Variants in PCDHA6 observed in about 807,000 individuals in gnomAD.
The protein encoded by PCDHA6 is protocadherin alpha 6, also known as protocadherin alpha-6.
In PCDHA6, 55 loss-of-function variants were observed where a neutral mutation model predicts 60.3. The ratio of observed to expected loss-of-function variants is 0.91; its 90% CI spans 0.73 to 1.14. The LOEUF is 1.14. Ranked by LOEUF, PCDHA6 falls within the 50% of genes most tolerant of loss-of-function variation. The pLI, the probability that PCDHA6 is intolerant of heterozygous loss-of-function variation, is 0.00. For synonymous variants in PCDHA6, 652 were observed against 557.9 expected, an observed-to-expected ratio of 1.17 and a Z score of -2.38; for missense variants, 1,327 against 1,256.5, an observed-to-expected ratio of 1.06 and a Z score of -0.85.
At position 141,009,749 on chromosome 5, in the gene PCDHA6, A is replaced by G. The variant is rs2098414176; in HGVS notation, c.2665A>G (p.Ile889Val). Residue 889 changes from isoleucine to valine, a missense_variant, in exon 4 of 4, where the codon ATT (isoleucine) becomes GTT (valine). Ile to Val is a conservative substitution (Grantham distance 29). Transcript: ENST00000529310. ...SGPGELPDKFIIPGSPAIISI... is the reference protein window; with the variant it reads ...SGPGELPDKFVIPGSPAIISI... The stretch of plus-strand genomic sequence containing the variant: ...TCCCGGTGAGTTGCCCGACAAATTC[A>G]TTATCCCAGGATCTCCTGCAATCAT... 3 of 1,614,200 alleles carry G rather than the reference A, an allele frequency of 1.9e-6. No homozygotes were observed. The highest frequency in any genetic ancestry group is 1.6e-4 in the Middle Eastern group (1 of 6,062).
chr5:141,000,027 A>G (rs782393146), intron 3 of PCDHA6, among the ~76,000 whole-genome samples: 4 of 152,048 alleles, frequency 2.6e-5, no homozygotes, highest in Non-Finnish European at 5.9e-5. Flanking sequence ...TAAGCCTGAC[A>G]TCCAATCACA....
intron 1 of PCDHA6, among the ~76,000 whole-genome samples, chr5:140,945,540 CA>C (rs1330025999): frequency 1.3e-5 from 2 of 151,706 alleles, no homozygotes; most frequent in African/African-American, 2.4e-5. Flanking sequence ...AACATACAAA[CA>C]AAAAAATGAA....
intron 1 of PCDHA6, among the ~76,000 whole-genome samples, chr5:140,921,856 G>A (rs2080440097): frequency 6.6e-6 from 1 of 151,824 alleles, no homozygotes; most frequent in Non-Finnish European, 1.5e-5. Flanking sequence ...AGATGTGTGT[G>A]TATATATACA....
In PCDHA6 at chr5:140,850,498, C is replaced by G; in HGVS notation, c.2394+20013C>G. The G allele has an allele frequency of 1.3e-6, 2 of 1,598,138 alleles. 1 individual carries two copies. The highest frequency in any genetic ancestry group is 4.5e-5 in the East Asian group (2 of 44,830). ...ACGGCCACGGCCACTGTGCTGGTGT[C>G]GCTGGTGGAGAGCGGCCAGGCGCCA... On this transcript the variant is annotated intron_variant, in intron 1 of 3. Transcript: ENST00000529310.
intron 1 of PCDHA6, among the ~76,000 whole-genome samples, chr5:140,949,466 G>A (rs2094383684): frequency 6.6e-6 from 1 of 151,662 alleles, no homozygotes; most frequent in Non-Finnish European, 1.5e-5. Flanking sequence ...TTGAAGCCCT[G>A]TTATTAGGCA....
chr5:140,924,896 AAAAAAAAAAT>A (rs1244420537), intron 1 of PCDHA6, among the ~76,000 whole-genome samples: 4 of 69,138 alleles, frequency 5.8e-5, no homozygotes, highest in African/African-American at 1.0e-4. Flanking sequence ...ACCTGTCTCA[AAAAAAAAAAT>A]AAAATAAAAT....
intron 1 of PCDHA6, among the ~76,000 whole-genome samples, chr5:140,954,516 G>C (rs782233597): frequency 3.3e-5 from 5 of 152,172 alleles, no homozygotes; most frequent in Admixed American, 6.5e-5. Flanking sequence ...TTTACCTAAT[G>C]ATCAGTGATG....
At chr5:140,982,713 A>G (rs2096998735) in intron 3 of PCDHA6, 150 bp downstream of exon 3, 2 of 1,373,774 alleles carry the variant, frequency 1.5e-6, no homozygotes, top group African/African-American at 1.5e-5. Flanking sequence ...CCTTACATAT[A>G]TGATTATTTT....
chr5:140,942,120 A>G (rs2093234009), intron 1 of PCDHA6, among the ~76,000 whole-genome samples: 1 of 152,234 alleles, frequency 6.6e-6, no homozygotes, highest in South Asian at 2.1e-4. Flanking sequence ...ACTTTATTAA[A>G]GGTGATATTT....
intron 1 of PCDHA6, among the ~76,000 whole-genome samples, chr5:140,937,679 G>A (rs1357548421): frequency 5.9e-5 from 9 of 151,884 alleles, no homozygotes; most frequent in African/African-American, 1.9e-4. Context: ...TTGGGAGGCT[G>A]AGGCAGGCGG....
chr5:140,834,682 C>G, intron 1 of PCDHA6: 5 of 1,614,204 alleles, frequency 3.1e-6, no homozygotes, highest in Non-Finnish European at 4.2e-6. Context: ...GGGCGGAGCG[C>G]GGAGTGCAGC....
At position 140,830,371 on chromosome 5, in the gene PCDHA6, CG is replaced by C. The variant is rs1771026985; in HGVS notation, c.2284del (p.Glu762ArgfsTer21). ...AGCAGAGGCGGCAGAGGGTGTGCTC[CG>C]GGGAGGGCCCACCCAAGATGGATCT... ...SQQRRQRVCS[G>X]EGPPKMDLMA... On this transcript the variant is annotated frameshift_variant, in exon 1 of 4. Coordinates refer to ENST00000529310, the MANE Select transcript of PCDHA6 (RefSeq NM_018909.4). LOFTEE classifies it high-confidence loss of function. 6.2e-7 allele frequency: 1 copy of C among 1,614,120 alleles called. No individual in the cohort carries two copies. The highest frequency in any genetic ancestry group is 8.5e-7 in the Non-Finnish European group (1 of 1,179,998).
intron 3 of PCDHA6, among the ~76,000 whole-genome samples, chr5:140,992,437 T>G (rs1554252912): frequency 6.6e-6 from 1 of 151,938 alleles, no homozygotes; most frequent in African/African-American, 2.4e-5. Context: ...GTTCCAAGAG[T>G]TGGGAGCAGG....
chr5:140,871,156 G>C (rs200268029), intron 1 of PCDHA6: 2 of 1,613,446 alleles, frequency 1.2e-6, no homozygotes, highest in Non-Finnish European at 8.5e-7. Context: ...TTTGGCGGGC[G>C]CCGCGAGCCC....
At chr5:140,947,171 A>G (rs2094098405) in intron 1 of PCDHA6, among the ~76,000 whole-genome samples, 2 of 151,546 alleles carry the variant, frequency 1.3e-5, no homozygotes, top group Non-Finnish European at 3.0e-5. Context: ...AAAATGTGGT[A>G]TATATTCATG....
intron 1 of PCDHA6, chr5:140,869,034 T>C (rs1441426453): frequency 5.2e-6 from 8 of 1,527,468 alleles, no homozygotes. Flanking sequence ...ACGAGATTTT[T>C]AACCTGAAAC....
intron 1 of PCDHA6, among the ~76,000 whole-genome samples, chr5:140,976,713 T>TA (rs1554237898): frequency 6.6e-6 from 1 of 152,216 alleles, no homozygotes; most frequent in Admixed American, 6.5e-5. Flanking sequence ...CTTTGCATTA[T>TA]AGTTCATTTA....
intron 1 of PCDHA6, among the ~76,000 whole-genome samples, chr5:140,911,327 C>T (rs2153517846): frequency 6.6e-6 from 1 of 152,324 alleles, no homozygotes; most frequent in South Asian, 2.1e-4. Context: ...GGATCCCATT[C>T]TTTTCCAATC....
At chr5:140,936,959 A>C (rs2091230080) in intron 1 of PCDHA6, among the ~76,000 whole-genome samples, 1 of 152,174 alleles carries the variant, frequency 6.6e-6, no homozygotes, top group Non-Finnish European at 1.5e-5. Flanking sequence ...TCTTTATTGA[A>C]TCTATAAAAA....
Sources: allele counts gnomAD v4.1 joint callset (sites outside exome capture counted in the v4.1 genomes callset), GRCh38; gene constraint gnomAD v4.1.1; transcripts MANE v1.5; gene names NCBI Gene and HGNC (gene_info 2026-07-23, HGNC 2026-07-21).